Variants in RAD51B observed in about 807,000 individuals in gnomAD.
RAD51B encodes DNA repair protein RAD51 homolog 2.
In RAD51B, 38 loss-of-function variants were observed where a neutral mutation model predicts 42.2. The ratio of observed to expected loss-of-function variants is 0.90; its 90% CI spans 0.70 to 1.18. The LOEUF (loss-of-function observed/expected upper bound fraction) is 1.18, where lower values mean the gene tolerates loss of function less well. Among genes scored for constraint, RAD51B ranks in the 50% most tolerant of loss-of-function variants. RAD51B has a pLI of 0.00. For synonymous variants in RAD51B, 154 were observed against 145.2 expected, an observed-to-expected ratio of 1.06 and a Z score of -0.43; for missense variants, 373 against 400.7, an observed-to-expected ratio of 0.93 and a Z score of 0.59.
chr14:68,376,152 C>T (rs2083365279), intron 8 of RAD51B, among the ~76,000 whole-genome samples: 1 of 152,174 alleles, frequency 6.6e-6, no homozygotes, highest in Middle Eastern at 3.4e-3. Flanking sequence ...TATGATTGTT[C>T]ACCTAACTAC....
At chr14:68,096,947 A>G (rs1330988653) in intron 7 of RAD51B, among the ~76,000 whole-genome samples, 1 of 152,226 alleles carries the variant, frequency 6.6e-6, no homozygotes, top group Non-Finnish European at 1.5e-5. Flanking sequence ...CTGGTGATGG[A>G]TGCAAATATA....
intron 10 of RAD51B, among the ~76,000 whole-genome samples, chr14:68,491,913 G>T (rs192126007): frequency 1.2e-4 from 19 of 152,252 alleles, no homozygotes; most frequent in African/African-American, 4.3e-4. Flanking sequence ...TTTTCACTCA[G>T]AGTGAAAGTG....
chr14:68,003,997 A>T (rs1326410698), intron 7 of RAD51B, among the ~76,000 whole-genome samples: 2 of 152,116 alleles, frequency 1.3e-5, no homozygotes, highest in Admixed American at 6.6e-5. Flanking sequence ...GATTATGTTA[A>T]TGGCTTTTGT....
intron 7 of RAD51B, among the ~76,000 whole-genome samples, chr14:67,959,434 A>AGATGGGGTTTTACCGTGTTAGCC (rs2074615359): frequency 1.3e-5 from 2 of 151,924 alleles, no homozygotes; most frequent in Admixed American, 6.6e-5. Context: ...TTTTTAGTAG[A>AGATGGGGTTTTACCGTGTTAGCC]GATGGGGTTT....
At chr14:68,622,461 G>T (rs752567913) in intron 10 of RAD51B, among the ~76,000 whole-genome samples, 8 of 152,142 alleles carry the variant, frequency 5.3e-5, no homozygotes, top group Non-Finnish European at 7.4e-5. Context: ...CCAAAAGGGA[G>T]TTCTTAGGAG....
intron 7 of RAD51B, among the ~76,000 whole-genome samples, chr14:67,997,069 A>C (rs1214015447): frequency 6.6e-6 from 1 of 152,212 alleles, no homozygotes; most frequent in Non-Finnish European, 1.5e-5. Flanking sequence ...TTTAGAGGGG[A>C]AGAACAGGAC....
intron 3 of RAD51B, among the ~76,000 whole-genome samples, chr14:67,828,027 A>G (rs1278498322): frequency 6.6e-6 from 1 of 152,150 alleles, no homozygotes; most frequent in Non-Finnish European, 1.5e-5. Flanking sequence ...GCTGGTTCAA[A>G]TGGTATTTCT....
intron 8 of RAD51B, among the ~76,000 whole-genome samples, 155 bp downstream of exon 8, chr14:68,292,135 G>A (rs1204421449): frequency 6.6e-6 from 1 of 152,178 alleles, no homozygotes; most frequent in Non-Finnish European, 1.5e-5. Flanking sequence ...ACCTTTCCTG[G>A]CATCTGATCT....
chr14:67,839,708 C>T (rs553039713), intron 4 of RAD51B, among the ~76,000 whole-genome samples: 10 of 151,942 alleles, frequency 6.6e-5, no homozygotes, highest in Non-Finnish European at 1.5e-4. Flanking sequence ...TTATTATCTC[C>T]TTTTATTTAA....
At chr14:67,932,248 T>A (rs374063312) in intron 7 of RAD51B, among the ~76,000 whole-genome samples, 4 of 152,232 alleles carry the variant, frequency 2.6e-5, no homozygotes, top group African/African-American at 9.7e-5. Context: ...ATGGTGCTAG[T>A]TGGGTGGGCT....
chr14:68,168,478 T>A (rs1235374534), intron 7 of RAD51B, among the ~76,000 whole-genome samples: 1 of 152,154 alleles, frequency 6.6e-6, no homozygotes, highest in African/African-American at 2.4e-5. Context: ...TGCCTGAACC[T>A]TAAAATGTAG....
chr14:68,566,574 C>T (rs1889430590), intron 10 of RAD51B, among the ~76,000 whole-genome samples: 1 of 152,210 alleles, frequency 6.6e-6, no homozygotes, highest in South Asian at 2.1e-4. Context: ...CTCATTACCA[C>T]TGCCAGATTG....
In RAD51B at chr14:68,669,627, TACA is replaced by T. The variant is rs1370452446; in HGVS notation, c.*11+18772_*11+18774del. On this transcript the variant is annotated intron_variant, in intron 11 of 11. Coordinates refer to the RAD51B transcript ENST00000488612. ...CAAACACACTATCAAACCCGCCACT[TACA>T]CACACACACACACACACACACACAC... 5.2e-4 allele frequency among the ~76,000 whole-genome samples: 77 copies of T among 148,024 alleles called. 1 individual carries two copies. The highest frequency in any genetic ancestry group is 1.9e-3 in the African/African-American group (75 of 39,876).
At position 68,563,279 on chromosome 14, in the gene RAD51B, C is replaced by T. The variant is rs1040397623; in HGVS notation, c.1037-31206C>T. ...ATGAAAAGCCCCATCCAGAATGGGC[C>T]AAGCCGAGCCTGCAATGGGCTTGTT... On this transcript the variant is annotated intron_variant, in intron 10 of 10. Transcript: ENST00000487270. 13 of 985,302 alleles carry T rather than the reference C, an allele frequency of 1.3e-5. No homozygotes were observed. The East Asian group carries it at 1.2e-3, about 95-fold the overall frequency. The allele number at this position is 985,302 out of a possible 1,614,324, so 61.0% of individuals were successfully genotyped here.
intron 7 of RAD51B, among the ~76,000 whole-genome samples, chr14:67,974,061 C>T (rs2074945583): frequency 6.6e-6 from 1 of 151,980 alleles, no homozygotes; most frequent in Non-Finnish European, 1.5e-5. Flanking sequence ...GGAAGAAAAA[C>T]ATGAAATAAT....
chr14:67,990,880 G>T (rs1464914122), intron 7 of RAD51B, among the ~76,000 whole-genome samples: 4 of 151,980 alleles, frequency 2.6e-5, no homozygotes, highest in Non-Finnish European at 5.9e-5. Context: ...TTTTCTCAAA[G>T]ACTATTGCTG....
At chr14:68,457,220 G>T (rs1283263617) in intron 9 of RAD51B, among the ~76,000 whole-genome samples, 1 of 151,672 alleles carries the variant, frequency 6.6e-6, no homozygotes, top group Non-Finnish European at 1.5e-5. Context: ...GCCCTGGGAT[G>T]AAATCGATAA....
rs1266634398 is a variant in RAD51B at position 67,893,498 on chromosome 14, AC to A, written c.756+6295del. On this transcript the variant is annotated intron_variant, in intron 7 of 10. Transcript: ENST00000471583. ...CACACACACACACACACACACACAC[AC>A]ACACACACACAAAAAAAAACAATTA... Among the ~76,000 whole-genome samples, 267 of 98,220 alleles carry A rather than the reference AC, an allele frequency of 2.7e-3. 11 individuals carry two copies. The highest frequency in any genetic ancestry group is 9.4e-3 in the South Asian group (27 of 2,880). The allele number at this position is 98,220 out of a possible 152,430, so 64.4% of individuals were successfully genotyped here.
intron 7 of RAD51B, among the ~76,000 whole-genome samples, chr14:67,913,230 C>T (rs2044047743): frequency 6.6e-6 from 1 of 152,126 alleles, no homozygotes; most frequent in Non-Finnish European, 1.5e-5. Flanking sequence ...TCATCTAGGC[C>T]AGTGATTATC....
Sources: gnomAD v4.1 joint callset for allele counts (sites outside exome capture counted in the v4.1 genomes callset) on GRCh38, gnomAD v4.1.1 for gene constraint, MANE v1.5 for transcripts, NCBI Gene and HGNC (gene_info 2026-07-23, HGNC 2026-07-21) for gene names.